The following FBXO4 variants were observed in gnomAD, a reference collection of about 807,000 sequenced individuals.
The protein encoded by FBXO4 is F-box only protein 4.
FBXO4 carries 36 observed loss-of-function variants against 43.7 expected under a neutral mutation model. That is an observed-to-expected ratio of 0.82 (90% CI 0.63 to 1.09). The LOEUF is 1.09. Among genes scored for constraint, FBXO4 ranks in the 50% least tolerant of loss-of-function variants. The probability of loss-of-function intolerance (pLI) is 0.00; values close to 1 mark genes in which losing one functional copy is unlikely to be tolerated. For synonymous variants in FBXO4, 180 were observed against 165.6 expected, an observed-to-expected ratio of 1.09 and a Z score of -0.67; for missense variants, 435 against 474.1, an observed-to-expected ratio of 0.92 and a Z score of 0.77.
At chr5:42,036,065 G>T in the FBXO4 span, among the ~76,000 whole-genome samples, 1 of 152,078 alleles carries the variant, frequency 6.6e-6, no homozygotes, top group African/African-American at 2.4e-5. Context: ...TTTTGACATT[G>T]CAGACTGCTT....
intron 3 of FBXO4, 40 bp from the exon 4 acceptor site, chr5:41,933,906 A>G: frequency 6.6e-7 from 1 of 1,524,670 alleles, no homozygotes; most frequent in African/African-American, 1.4e-5. Context: ...TGCTATTTTT[A>G]TTAATGATTT....
At chr5:41,965,894 C>T in the FBXO4 span, among the ~76,000 whole-genome samples, 1 of 152,184 alleles carries the variant, frequency 6.6e-6, no homozygotes, top group Non-Finnish European at 1.5e-5. Context: ...GACTTGGAAC[C>T]AACCCAAATG....
At chr5:41,928,773 C>T (rs776124637) in intron 2 of FBXO4, 1 of 152,300 alleles carries the variant, frequency 6.6e-6, no homozygotes, top group Non-Finnish European at 1.5e-5. Flanking sequence ...TGTTTTTTCC[C>T]CTTCATGAGT....
intron 2 of FBXO4, among the ~76,000 whole-genome samples, chr5:41,927,505 T>A (rs1435948907): frequency 6.6e-6 from 1 of 152,194 alleles, no homozygotes; most frequent in African/African-American, 2.4e-5. Flanking sequence ...AAAGACTTCT[T>A]AAAAGTCTCA....
intron 5 of FBXO4, chr5:41,934,882 G>A (rs1751809303): frequency 1.0e-6 from 1 of 986,032 alleles, no homozygotes; most frequent in Non-Finnish European, 1.2e-6. Context: ...CCATGAGCTA[G>A]TATTATAATA....
At chr5:41,961,952 TC>T in the FBXO4 span, among the ~76,000 whole-genome samples, 1 of 152,202 alleles carries the variant, frequency 6.6e-6, no homozygotes, top group African/African-American at 2.4e-5. Context: ...CCTTGCTCTC[TC>T]CTGGCATCTC....
chr5:42,032,592 G>A, the FBXO4 span, among the ~76,000 whole-genome samples: 1 of 152,178 alleles, frequency 6.6e-6, no homozygotes, highest in African/African-American at 2.4e-5. Flanking sequence ...AGCTTATGGT[G>A]AATGCTGCCT....
At chr5:41,945,090 T>C (rs1752057623), downstream of FBXO4, among the ~76,000 whole-genome samples, 1 of 152,204 alleles carries the variant, frequency 6.6e-6, no homozygotes, top group Non-Finnish European at 1.5e-5. Context: ...GTCATTAACA[T>C]GCACAAAGCT....
the FBXO4 span, among the ~76,000 whole-genome samples, chr5:42,031,412 G>A: frequency 7.0e-6 from 1 of 142,730 alleles, no homozygotes; most frequent in Admixed American, 7.5e-5. Context: ...TGAACAATGA[G>A]AACACATGGA....
chr5:41,954,161 T>C, the FBXO4 span, among the ~76,000 whole-genome samples: 3 of 152,190 alleles, frequency 2.0e-5, no homozygotes, highest in Non-Finnish European at 4.4e-5. Flanking sequence ...AATTTTTTTT[T>C]CGAATACTAC....
the FBXO4 span, among the ~76,000 whole-genome samples, chr5:42,030,266 C>A: frequency 1.3e-5 from 2 of 151,986 alleles, no homozygotes; most frequent in Non-Finnish European, 2.9e-5. Context: ...GAGATATAGA[C>A]CAATGGAACA....
chr5:41,953,446 A>G, the FBXO4 span, among the ~76,000 whole-genome samples: 9 of 152,186 alleles, frequency 5.9e-5, no homozygotes, highest in African/African-American at 1.4e-4. Flanking sequence ...GAATAGTGCC[A>G]CAATAAACAT....
rs1245048141 is a variant in FBXO4 at position 41,935,721 on chromosome 5, CTG to C, written c.898+1414_898+1415del. ...AAGGCCTGAGGCTGGAATGAGAAAA[CTG>C]AGAAATCTCCATGTCCCTACCAATT... On this transcript the variant is annotated intron_variant, in intron 5 of 6. Coordinates refer to ENST00000281623, the MANE Select transcript of FBXO4 (RefSeq NM_012176.3). Among the ~76,000 whole-genome samples, 3 of 152,246 alleles carry C rather than the reference CTG, an allele frequency of 2.0e-5. No individual in the cohort carries two copies. In the East Asian group the frequency reaches 5.8e-4, roughly 29 times the overall value.
At chr5:41,974,418 T>A in the FBXO4 span, among the ~76,000 whole-genome samples, 1 of 152,242 alleles carries the variant, frequency 6.6e-6, no homozygotes, top group African/African-American at 2.4e-5. Flanking sequence ...TTTGTTTATT[T>A]GTTTGGGTTT....
chr5:41,997,964 A>G, the FBXO4 span, among the ~76,000 whole-genome samples: 1 of 152,194 alleles, frequency 6.6e-6, no homozygotes, highest in African/African-American at 2.4e-5. Flanking sequence ...CTTTGTTTTT[A>G]TAATTCAAAT....
chr5:42,023,558 T>G, the FBXO4 span, among the ~76,000 whole-genome samples: 8 of 152,004 alleles, frequency 5.3e-5, no homozygotes, highest in Non-Finnish European at 1.2e-4. Context: ...AGAAAGTTAT[T>G]TTTTTCCCAT....
the FBXO4 span, among the ~76,000 whole-genome samples, chr5:41,956,033 A>G: frequency 1.3e-5 from 2 of 152,228 alleles, no homozygotes; most frequent in Non-Finnish European, 2.9e-5. Flanking sequence ...TAGGATTACA[A>G]AAATATTAAG....
At chr5:41,969,022 G>A in the FBXO4 span, among the ~76,000 whole-genome samples, 2 of 152,256 alleles carry the variant, frequency 1.3e-5, no homozygotes, top group East Asian at 3.9e-4. Context: ...TCCAACAAAT[G>A]TATTGTTTTT....
chr5:41,978,882 TG>T, the FBXO4 span, among the ~76,000 whole-genome samples: 11 of 152,236 alleles, frequency 7.2e-5, no homozygotes, highest in Admixed American at 2.0e-4. Context: ...TCTTGGAACT[TG>T]GTGTTGAGGG....
Sources: allele counts gnomAD v4.1 joint callset (sites outside exome capture counted in the v4.1 genomes callset), GRCh38; gene constraint gnomAD v4.1.1; transcripts MANE v1.5; gene names NCBI Gene and HGNC (gene_info 2026-07-23, HGNC 2026-07-21).